Variants in WDFY2 observed in about 807,000 individuals in gnomAD.
WDFY2 encodes the protein WD repeat and FYVE domain-containing protein 2.
Under a neutral mutation model 56.4 loss-of-function variants are expected in WDFY2, and 36 were observed. The observed-to-expected ratio is 0.64, with a 90% CI of 0.49 to 0.84. WDFY2 has a LOEUF of 0.84. WDFY2 is among the 40% of genes least tolerant of loss of function. The pLI is 0.00. For synonymous variants in WDFY2, 176 were observed against 183.7 expected (o/e 0.96, Z 0.34); for missense variants, 444 against 512.2 (o/e 0.87, Z 1.29).
rs570612885 is a variant in WDFY2 at position 51,671,653 on chromosome 13, T to G, written c.206-3517T>G. ...TTTAATTGTTTGTTGTGTGCGTTAA[T>G]TGCTAAGATTTTTTTCCCACTCTTT... On this transcript the variant is annotated intron_variant, in intron 2 of 11. Coordinates refer to ENST00000298125, the MANE Select transcript of WDFY2 (RefSeq NM_052950.4). Among the ~76,000 whole-genome samples, 4 of 152,278 alleles carry G rather than the reference T, an allele frequency of 2.6e-5. No individual in the cohort carries two copies. The East Asian group carries it at 7.7e-4, about 29-fold the overall frequency.
At position 51,758,188 on chromosome 13, in the gene WDFY2, C is replaced by A. The variant is rs554316811; in HGVS notation, c.1065-4C>A. 2 of 1,566,186 alleles carry A rather than the reference C, an allele frequency of 1.3e-6. No individual in the cohort carries two copies. The highest frequency in any genetic ancestry group is 1.3e-5 in the African/African-American group (1 of 74,416). On this transcript the variant is annotated splice_polypyrimidine_tract_variant and splice_region_variant and intron_variant, in intron 10 of 11. Coordinates refer to ENST00000298125, the MANE Select transcript of WDFY2 (RefSeq NM_052950.4). The stretch of plus-strand genomic sequence containing the variant: ...CCCTCAGAAGCTTTCTTTGCTCCTT[C>A]TAGACGTGCACCCACAGCCACCTTC...
At chr13:51,729,614 T>C (rs1354782147) in intron 6 of WDFY2, among the ~76,000 whole-genome samples, 7 of 152,032 alleles carry the variant, frequency 4.6e-5, no homozygotes, top group South Asian at 2.1e-4. Flanking sequence ...TGCTTTCCTC[T>C]GGCCCCAGTC....
chr13:51,700,377 T>G (rs1278426557), intron 3 of WDFY2, among the ~76,000 whole-genome samples: 1 of 152,222 alleles, frequency 6.6e-6, no homozygotes, highest in Non-Finnish European at 1.5e-5. Context: ...ATTTCAAATG[T>G]GTATATCTTT....
chr13:51,670,536 C>CAG (rs1289207644), intron 2 of WDFY2, among the ~76,000 whole-genome samples: 1,605 of 141,754 alleles, frequency 0.011, 42 homozygotes, highest in Admixed American at 0.048. Context: ...CACACACACA[C>CAG]AGATGTTTGC....
At chr13:51,671,776 CTTTT>C (rs564584742) in intron 2 of WDFY2, among the ~76,000 whole-genome samples, 1 of 61,998 alleles carries the variant, frequency 1.6e-5, no homozygotes, top group African/African-American at 7.2e-5. Context: ...GTTGCATTTG[CTTTT>C]TTTTTTTTTT....
intron 4 of WDFY2, among the ~76,000 whole-genome samples, chr13:51,705,943 T>G (rs894636561): frequency 2.0e-5 from 3 of 152,176 alleles, no homozygotes; most frequent in Non-Finnish European, 4.4e-5. Context: ...TATATTAATT[T>G]CTGACTAATT....
chr13:51,594,167 C>T (rs910605785), intron 1 of WDFY2: 2 of 152,194 alleles, frequency 1.3e-5, no homozygotes, highest in Non-Finnish European at 2.9e-5. Flanking sequence ...GAACCTCCTG[C>T]CTCAGGTTAC....
chr13:51,686,766 T>C (rs1239517833), intron 3 of WDFY2, among the ~76,000 whole-genome samples: 5 of 152,100 alleles, frequency 3.3e-5, no homozygotes, highest in African/African-American at 4.8e-5. Context: ...AAGTAAAGCA[T>C]TGGTTATTAC....
At chr13:51,631,984 G>A (rs770869201) in intron 1 of WDFY2, among the ~76,000 whole-genome samples, 11 of 152,074 alleles carry the variant, frequency 7.2e-5, no homozygotes, top group Non-Finnish European at 1.3e-4. Flanking sequence ...TATGTGGAAA[G>A]TATATTTTTG....
intron 1 of WDFY2, among the ~76,000 whole-genome samples, chr13:51,647,088 G>A (rs749577247): frequency 6.6e-6 from 1 of 152,138 alleles, no homozygotes; most frequent in Non-Finnish European, 1.5e-5. Flanking sequence ...TAAAGCCTAC[G>A]AGAGGATGTA....
At chr13:51,634,720 GT>G (rs369006763) in intron 1 of WDFY2, among the ~76,000 whole-genome samples, 9 of 148,410 alleles carry the variant, frequency 6.1e-5, no homozygotes, top group Middle Eastern at 3.5e-3. Flanking sequence ...TTTTTGTTTT[GT>G]TTTTTTTTTC....
chr13:51,619,436 A>G (rs2138353007), intron 1 of WDFY2, among the ~76,000 whole-genome samples: 1 of 149,682 alleles, frequency 6.7e-6, no homozygotes, highest in East Asian at 1.9e-4. Flanking sequence ...CTATCTCCAA[A>G]AAAAAAAAAA....
chr13:51,697,006 A>T (rs1951890600), intron 3 of WDFY2, among the ~76,000 whole-genome samples: 2 of 152,214 alleles, frequency 1.3e-5, no homozygotes, highest in South Asian at 4.1e-4. Context: ...TGGATAGAAA[A>T]GTCATGAAAG....
At chr13:51,608,210 A>G (rs556635216) in intron 1 of WDFY2, among the ~76,000 whole-genome samples, 3 of 152,364 alleles carry the variant, frequency 2.0e-5, no homozygotes, top group Admixed American at 2.0e-4. Flanking sequence ...GCAAATGGAA[A>G]TTAATATATT....
At chr13:51,681,990 C>G (rs1401721921) in intron 3 of WDFY2, among the ~76,000 whole-genome samples, 1 of 152,114 alleles carries the variant, frequency 6.6e-6, no homozygotes, top group African/African-American at 2.4e-5. Flanking sequence ...ATGCAGATAC[C>G]AAGAGCATTT....
Position 51,699,666 on chromosome 13 carries a change from A to G in WDFY2, c.280-3930A>G, listed in dbSNP as rs188402864. 2.0e-5 allele frequency among the ~76,000 whole-genome samples: 3 copies of G among 152,306 alleles called. No homozygotes were observed. The East Asian group carries it at 5.8e-4, about 29-fold the overall frequency. ...CACACATCAGTTTGGCAAAAATTGA[A>G]AAGATGAATAGTGTCCAATGCTGAT... is the stretch of plus-strand genomic sequence containing the variant. On this transcript the variant is annotated intron_variant, in intron 3 of 11. Transcript: ENST00000298125.
intron 1 of WDFY2, among the ~76,000 whole-genome samples, chr13:51,648,942 T>A (rs1593930671): frequency 6.6e-6 from 1 of 151,956 alleles, no homozygotes; most frequent in Admixed American, 6.6e-5. Context: ...AGGTCAGAGG[T>A]TCAAGACCAG....
Position 51,707,939 on chromosome 13 carries a change from C to CTTTTTTTTTT in WDFY2, c.334+4312_334+4321dup, listed in dbSNP as rs56054205. Reference sequence around the variant, plus strand: ...ATATATACTATTAACCCTAAAACAACTTTTTTTTTTTTTTTTTTTTTTTTT... The same window carrying CTTTTTTTTTT: ...ATATATACTATTAACCCTAAAACAACTTTTTTTTTTTTTTTTTTTTTTTTTTTTTTTTTTT... On this transcript the variant is annotated intron_variant, in intron 4 of 11. Coordinates refer to ENST00000298125, the MANE Select transcript of WDFY2 (RefSeq NM_052950.4). Among the ~76,000 whole-genome samples the CTTTTTTTTTT allele has an allele frequency of 1.3e-3, 73 of 57,566 alleles. 10 individuals are homozygous for CTTTTTTTTTT. The highest frequency in any genetic ancestry group is 1.6e-3 in the African/African-American group (22 of 13,978). The allele number at this position is 57,566 out of a possible 152,430, so 37.8% of individuals were successfully genotyped here.
At chr13:51,719,384 C>T in intron 5 of WDFY2, 36 bp downstream of exon 5, 1 of 1,529,192 alleles carries the variant, frequency 6.5e-7, no homozygotes, top group Non-Finnish European at 8.8e-7. Flanking sequence ...TTAGTGGGAA[C>T]TTAACTGTTG....
Sources: allele counts gnomAD v4.1 joint callset (sites outside exome capture counted in the v4.1 genomes callset), GRCh38; gene constraint gnomAD v4.1.1; transcripts MANE v1.5; gene names NCBI Gene and HGNC (gene_info 2026-07-23, HGNC 2026-07-21).